The following HS6ST3 variants were observed in gnomAD, a reference collection of about 807,000 sequenced individuals.
HS6ST3 encodes the protein heparan-sulfate 6-O-sulfotransferase 3.
HS6ST3 carries 12 observed loss-of-function variants against 36.7 expected under a neutral mutation model. The ratio of observed to expected loss-of-function variants is 0.33; its 90% CI spans 0.21 to 0.53. HS6ST3 has a LOEUF of 0.53. HS6ST3 is among the 20% of genes least tolerant of loss of function. The pLI is 0.95. For synonymous variants in HS6ST3, 240 were observed against 257.5 expected (o/e 0.93, Z 0.65); for missense variants, 584 against 640.9 (o/e 0.91, Z 0.96).
chr13:96,522,646 G>C (rs2056098227), intron 1 of HS6ST3, among the ~76,000 whole-genome samples: 1 of 150,410 alleles, frequency 6.6e-6, no homozygotes, highest in Non-Finnish European at 1.5e-5. Context: ...TTTAAAGTCT[G>C]TTTTATCAGA....
At position 96,530,426 on chromosome 13, in the gene HS6ST3, A is replaced by C. The variant is rs73558417; in HGVS notation, c.708-302064A>C. Among the ~76,000 whole-genome samples, 1,261 of 152,252 alleles carry C rather than the reference A, an allele frequency of 8.3e-3. 20 individuals are homozygous for C. Among genetic ancestry groups the C allele is most frequent in the African/African-American group, 0.029 (1,218 of 41,532 alleles). ...TAACCCCTTACTTGAAAGTTGACCC[A>C]AATAGAAGCCTCAGAACTTCATCTT... On this transcript the variant is annotated intron_variant, in intron 1 of 1. Coordinates refer to ENST00000376705, the MANE Select transcript of HS6ST3 (RefSeq NM_153456.4).
chr13:96,288,117 C>A (rs1320416494), intron 1 of HS6ST3, among the ~76,000 whole-genome samples: 1 of 152,044 alleles, frequency 6.6e-6, no homozygotes, highest in Non-Finnish European at 1.5e-5. Flanking sequence ...AAGGTGAGGC[C>A]TGGAAATCTG....
chr13:96,527,644 G>A (rs1206438003), intron 1 of HS6ST3, among the ~76,000 whole-genome samples: 1 of 152,184 alleles, frequency 6.6e-6, no homozygotes, highest in Non-Finnish European at 1.5e-5. Flanking sequence ...GAAACTACAA[G>A]TGATGAGCAG....
intron 1 of HS6ST3, among the ~76,000 whole-genome samples, chr13:96,527,291 T>C (rs2056117985): frequency 6.6e-6 from 1 of 152,116 alleles, no homozygotes. Flanking sequence ...CTTAGAAAAC[T>C]CTCCTTTATT....
chr13:96,649,598 A>G (rs900406302), intron 1 of HS6ST3, among the ~76,000 whole-genome samples: 13 of 152,020 alleles, frequency 8.6e-5, no homozygotes, highest in African/African-American at 2.9e-4. Context: ...TGTTGCTTCT[A>G]CCATCAAGAT....
Position 96,383,370 on chromosome 13 carries a change from C to T in HS6ST3, c.707+291801C>T, listed in dbSNP as rs1000257080. Among the ~76,000 whole-genome samples, 5 of 152,006 alleles carry T rather than the reference C, an allele frequency of 3.3e-5. No homozygotes were observed. The East Asian group carries it at 9.7e-4, about 29-fold the overall frequency. On this transcript the variant is annotated intron_variant, in intron 1 of 1. Transcript: ENST00000376705. Reference sequence around the variant, plus strand: ...TTGGAAGGCTGAGGCAGGAGAATCTCTTGAAACTGGGAGGCAGAGGTTGCA... The same window carrying T: ...TTGGAAGGCTGAGGCAGGAGAATCTTTTGAAACTGGGAGGCAGAGGTTGCA...
chr13:96,624,051 A>G (rs2056503983), intron 1 of HS6ST3, among the ~76,000 whole-genome samples: 2 of 152,186 alleles, frequency 1.3e-5, no homozygotes, highest in African/African-American at 4.8e-5. Flanking sequence ...GGCTTGTGAT[A>G]TGGTATTAGG....
At chr13:96,824,974 G>C (rs1234468676) in intron 1 of HS6ST3, among the ~76,000 whole-genome samples, 2 of 152,274 alleles carry the variant, frequency 1.3e-5, no homozygotes, top group Middle Eastern at 3.4e-3. Context: ...AAGTCAGACT[G>C]GTCGCTAGAA....
At chr13:96,230,247 G>C (rs1225435597) in intron 1 of HS6ST3, among the ~76,000 whole-genome samples, 1 of 152,130 alleles carries the variant, frequency 6.6e-6, no homozygotes, top group East Asian at 1.9e-4. Flanking sequence ...AACAGGATAT[G>C]GCAGGGAAAC....
chr13:96,543,639 C>T (rs1259889501), intron 1 of HS6ST3, among the ~76,000 whole-genome samples: 1 of 152,096 alleles, frequency 6.6e-6, no homozygotes, highest in Non-Finnish European at 1.5e-5. Context: ...CGAAGCCAAG[C>T]CAATTTCTTC....
intron 1 of HS6ST3, among the ~76,000 whole-genome samples, chr13:96,317,353 TATATATATATATATAA>T (rs1267259393): frequency 4.1e-4 from 13 of 31,946 alleles, no homozygotes; most frequent in Admixed American, 8.4e-4. Context: ...TATATATATA[TATATATATATATATAA>T]AATTATATAT....
chr13:96,632,312 T>G (rs1243859306), intron 1 of HS6ST3, among the ~76,000 whole-genome samples: 1 of 294 alleles, frequency 3.4e-3, no homozygotes, highest in African/African-American at 5.0e-3. Flanking sequence ...AATTTCTGTG[T>G]TTTTTTTTGT....
intron 1 of HS6ST3, among the ~76,000 whole-genome samples, chr13:96,132,469 C>T (rs1594688295): frequency 6.6e-6 from 1 of 151,582 alleles, no homozygotes; most frequent in East Asian, 1.9e-4. Flanking sequence ...CAGTGGCACA[C>T]AATCACAGCT....
intron 1 of HS6ST3, among the ~76,000 whole-genome samples, chr13:96,581,252 C>T (rs953757478): frequency 6.7e-6 from 1 of 149,458 alleles, no homozygotes; most frequent in African/African-American, 2.5e-5. Flanking sequence ...CGGAGTCTCA[C>T]TCTGTCTCCC....
chr13:96,239,296 A>T (rs2054549345), intron 1 of HS6ST3, among the ~76,000 whole-genome samples: 1 of 152,178 alleles, frequency 6.6e-6, no homozygotes. Context: ...TACATGACAG[A>T]TGCTTATTGA....
In HS6ST3 at chr13:96,346,572, C is replaced by CAA. The variant is rs144388304; in HGVS notation, c.707+255012_707+255013dup. ...CCTGGGCGACAGAGAGACTCCGTCT[C>CAA]AAAAAAAAAATAATAATAATAATAA... On this transcript the variant is annotated intron_variant, in intron 1 of 1. Transcript: ENST00000376705. 5.0e-3 allele frequency among the ~76,000 whole-genome samples: 663 copies of CAA among 132,816 alleles called. 2 individuals are homozygous for CAA. The highest frequency in any genetic ancestry group is 0.017 in the African/African-American group (598 of 34,996). The allele number at this position is 132,816 out of a possible 152,430, so 87.1% of individuals were successfully genotyped here.
chr13:96,671,819 G>C (rs2056683689), intron 1 of HS6ST3, among the ~76,000 whole-genome samples: 1 of 152,102 alleles, frequency 6.6e-6, no homozygotes, highest in Non-Finnish European at 1.5e-5. Flanking sequence ...TCTGAGGTAG[G>C]ATGGGTTAAG....
At chr13:96,457,345 A>G (rs1273496338) in intron 1 of HS6ST3, among the ~76,000 whole-genome samples, 1 of 150,140 alleles carries the variant, frequency 6.7e-6, no homozygotes, top group South Asian at 2.2e-4. Context: ...CTCAAACAAT[A>G]TAAAATTACT....
intron 1 of HS6ST3, among the ~76,000 whole-genome samples, chr13:96,327,558 T>C (rs1418070136): frequency 3.3e-5 from 5 of 152,248 alleles, no homozygotes; most frequent in Admixed American, 3.3e-4. Context: ...TTGGTACTAG[T>C]ACCATGCTGT....
Sources: gnomAD v4.1 joint callset for allele counts (sites outside exome capture counted in the v4.1 genomes callset) on GRCh38, gnomAD v4.1.1 for gene constraint, MANE v1.5 for transcripts, NCBI Gene and HGNC (gene_info 2026-07-23, HGNC 2026-07-21) for gene names.